Variants in DNAH10 observed in about 807,000 individuals in gnomAD.
DNAH10 encodes dynein axonemal heavy chain 10, also known as axonemal beta dynein heavy chain 10.
Under a neutral mutation model 506.6 loss-of-function variants are expected in DNAH10, and 348 were observed. The observed-to-expected ratio is 0.69, with a 90% CI of 0.63 to 0.75. The LOEUF is 0.75. DNAH10 is among the 30% of genes least tolerant of loss of function. The pLI is 0.00. For synonymous variants in DNAH10, 2,059 were observed against 2,198.6 expected (o/e 0.94, Z 1.78); for missense variants, 5,179 against 5,787.1 (o/e 0.89, Z 3.41).
rs950484526 is a variant in DNAH10 at position 123,931,542 on chromosome 12, C to T, written c.12916+70C>T. The T allele has an allele frequency of 4.1e-5, 66 of 1,605,570 alleles. No individual in the cohort carries two copies. The African/African-American group carries it at 4.1e-4, about 10-fold the overall frequency. On this transcript the variant is annotated intron_variant, in intron 74 of 78. Coordinates refer to ENST00000673944, the MANE Select transcript of DNAH10 (RefSeq NM_001372106.1). ...ACGATTGCTTCTTGTAGCCCTCCCA[C>T]GTTGCTGATGCCTTTCCCAGAACTG...
rs59003958 is a variant in DNAH10, at chr12:123,780,149, TTCTCTC to T, written c.622-909_622-904del. 1.4e-3 allele frequency among the ~76,000 whole-genome samples: 180 copies of T among 132,782 alleles called. 1 individual carries two copies. Among genetic ancestry groups the T allele is most frequent in the East Asian group, 1.8e-3 (8 of 4,438 alleles). The allele number at this position is 132,782 out of a possible 152,430, so 87.1% of individuals were successfully genotyped here. ...AGTTTCCCCTCCCTCCCTCCCTCCT[TTCTCTC>T]TCTCTCTCTCTCTCTCTCTCTTTCT... On this transcript the variant is annotated intron_variant, in intron 5 of 78. Transcript: ENST00000673944.
chr12:123,782,275 T>G (rs1957682875), intron 6 of DNAH10, among the ~76,000 whole-genome samples: 1 of 149,928 alleles, frequency 6.7e-6, no homozygotes, highest in African/African-American at 2.5e-5. Flanking sequence ...CTCAAATCTC[T>G]GAGACAAATA....
At chr12:123,892,289 G>A (rs971345733) in intron 52 of DNAH10, among the ~76,000 whole-genome samples, 3 of 152,198 alleles carry the variant, frequency 2.0e-5, no homozygotes, top group Non-Finnish European at 2.9e-5. Flanking sequence ...AAGGTGAAGG[G>A]GGAGCAGGCG....
Position 123,813,886 on chromosome 12 carries a change from C to T in DNAH10, c.3754C>T (p.Arg1252Cys), listed in dbSNP as rs574166129. ...ATATAGGGACGTCCAGGAGCGATACCGTACCATGGCAATGTATAACCTCTT... is the reference window on the plus strand; with the variant it reads ...ATATAGGGACGTCCAGGAGCGATACTGTACCATGGCAATGTATAACCTCTT... ...LRYRDVQERY[R>C]TMAMYNLFPP... The change falls in exon 21 of 79, where the codon CGT becomes TGT. Residue 1252 changes from arginine (R) to cysteine (C), a missense_variant. By Grantham distance (180) the Arg-to-Cys change is radical. Transcript: ENST00000673944. 4.4e-5 allele frequency: 70 copies of T among 1,597,586 alleles called. No individual in the cohort carries two copies. Among genetic ancestry groups the T allele is most frequent in the Admixed American group, 9.3e-5 (5 of 53,752 alleles).
At chr12:123,817,470 C>T (rs75263532) in intron 21 of DNAH10, among the ~76,000 whole-genome samples, 6,514 of 152,110 alleles carry the variant, frequency 0.043, 183 homozygotes, top group Non-Finnish European at 0.063. Context: ...CTGCTTTTCC[C>T]GGTTCCTTAA....
chr12:123,884,561 G>A (rs1952647807), intron 51 of DNAH10, among the ~76,000 whole-genome samples: 1 of 152,166 alleles, frequency 6.6e-6, no homozygotes, highest in Admixed American at 6.5e-5. Flanking sequence ...ATGACAGCAC[G>A]AAAAGTCTTT....
intron 54 of DNAH10, among the ~76,000 whole-genome samples, chr12:123,896,148 C>CACAG (rs1383690518): frequency 1.7e-3 from 159 of 95,208 alleles, no homozygotes; most frequent in African/African-American, 7.0e-3. Flanking sequence ...CACACACACA[C>CACAG]AGAGAGAGAG....
At chr12:123,920,486 T>C (rs138934168) in intron 65 of DNAH10, among the ~76,000 whole-genome samples, 90 of 152,372 alleles carry the variant, frequency 5.9e-4, no homozygotes, top group African/African-American at 1.9e-3. Context: ...TAAAACTTTT[T>C]TAGCAAAAAC....
chr12:123,893,394 C>A lies in DNAH10; in HGVS notation c.9157C>A (p.Pro3053Thr), dbSNP rs574204481. ...NNLHIVLGMSPVGDTLRTWCR... is the reference protein window; with the variant it reads ...NNLHIVLGMSTVGDTLRTWCR... ...CCTGCACATTGTCCTGGGCATGTCG[C>A]CAGTGGGGGACACCCTGAGGACCTG... The change falls in exon 53 of 79, where the codon CCA becomes ACA. Residue 3053 changes from proline (P) to threonine (T), a missense_variant. By Grantham distance (38) the Pro-to-Thr change is conservative (BLOSUM62 -1). Transcript: ENST00000673944. The A allele has an allele frequency of 5.0e-6, 8 of 1,613,416 alleles. No individual in the cohort carries two copies. The South Asian group carries it at 8.8e-5, about 18-fold the overall frequency.
At chr12:123,922,202 G>A (rs1019556388) in intron 65 of DNAH10, among the ~76,000 whole-genome samples, 2 of 151,874 alleles carry the variant, frequency 1.3e-5, no homozygotes, top group East Asian at 2.0e-4. Context: ...GTGAAACCCC[G>A]TCTCTACTAA....
In DNAH10 at chr12:123,868,017, C is replaced by T. The variant is rs1231358448; in HGVS notation, c.7417C>T (p.Leu2473Phe). 1 of 1,613,896 alleles carries T rather than the reference C, an allele frequency of 6.2e-7. No homozygotes were observed. Among genetic ancestry groups the T allele is most frequent in the South Asian group, 1.1e-5 (1 of 91,074 alleles). The change falls in exon 43 of 79, where the codon CTT (leucine) becomes TTT (phenylalanine). Residue 2473 changes from leucine to phenylalanine, a missense_variant. Physicochemically the swap from Leu to Phe is conservative, Grantham distance 22. Around this residue, in one of 3 missense-constraint regions of DNAH10, gnomAD observed 4,844 missense variants for 5,430.5 expected, o/e 0.89. Transcript: ENST00000673944. ...ALYCSLGASL[L>F]EDGRMKFDEY... The stretch of plus-strand genomic sequence containing the variant: ...GTACTGCTCTCTGGGAGCCTCCCTG[C>T]TTGAGGATGGAAGGATGAAATTTGA...
intron 52 of DNAH10, among the ~76,000 whole-genome samples, chr12:123,888,148 C>T (rs925882971): frequency 2.6e-5 from 4 of 151,930 alleles, no homozygotes; most frequent in East Asian, 1.9e-4. Flanking sequence ...GTTGAGGCTG[C>T]GGTAAGTCAT....
chr12:123,839,662 A>ATTTT (rs34822711), intron 29 of DNAH10, among the ~76,000 whole-genome samples: 9 of 114,814 alleles, frequency 7.8e-5, no homozygotes, highest in African/African-American at 1.3e-4. Context: ...TTTCTTTTCT[A>ATTTT]TTTTTTTTTT....
rs557454220 is a variant in DNAH10, at chr12:123,783,687, G to A, written c.1000-260G>A. 2.9e-4 allele frequency among the ~76,000 whole-genome samples: 44 copies of A among 152,290 alleles called. 2 individuals are homozygous for A. The East Asian group carries it at 7.3e-3, about 25-fold the overall frequency. Reference sequence around the variant, plus strand: ...GGGGCTGGAGAGCTTCATTCCTCAGGCTGGCTTCCTTGCAGCAGTTTCTGG... The same window carrying A: ...GGGGCTGGAGAGCTTCATTCCTCAGACTGGCTTCCTTGCAGCAGTTTCTGG... On this transcript the variant is annotated intron_variant, in intron 7 of 78. Transcript: ENST00000673944.
In DNAH10 at chr12:123,928,978, G is replaced by GTCTCTCTCTCTC; in HGVS notation, c.12307-291_12307-280dup. ...TTTTGGAAAGGTTTTGTCATTCTCT[G>GTCTCTCTCTCTC]TCTCTCTCTCTCTCTCTGGGGAGGT... On this transcript the variant is annotated intron_variant, in intron 70 of 78. Coordinates refer to ENST00000673944, the MANE Select transcript of DNAH10 (RefSeq NM_001372106.1). This position sits in a 1 kb window ranked among gnomAD's most constrained non-coding sequence, Gnocchi z 4.9. The GTCTCTCTCTCTC allele has an allele frequency of 2.1e-6, 1 of 468,032 alleles. No individual in the cohort carries two copies. The allele number at this position is 468,032 out of a possible 1,614,324, so 29.0% of individuals were successfully genotyped here.
rs766108846 is a variant in DNAH10 at position 123,838,611 on chromosome 12, C to A, written c.5058C>A (p.Phe1686Leu). 1.2e-6 allele frequency: 2 copies of A among 1,613,912 alleles called. No homozygotes were observed. The highest frequency in any genetic ancestry group is 1.1e-5 in the South Asian group (1 of 91,096). ...LDSKRNAFPRFFFISDDELLS... is the reference protein window; with the variant it reads ...LDSKRNAFPRLFFISDDELLS... ...CGAAGAGAAATGCTTTCCCAAGGTTCTTCTTCATTTCTGACGATGAGTTGC... is the reference window on the plus strand; with the variant it reads ...CGAAGAGAAATGCTTTCCCAAGGTTATTCTTCATTTCTGACGATGAGTTGC... Residue 1686 changes from phenylalanine to leucine, a missense_variant, in exon 29 of 79, where the codon TTC becomes TTA. Around this residue, in one of 3 missense-constraint regions of DNAH10, gnomAD observed 4,844 missense variants for 5,430.5 expected, o/e 0.89. Coordinates refer to ENST00000673944, the MANE Select transcript of DNAH10 (RefSeq NM_001372106.1).
At chr12:123,844,974 ATAC>A (rs1302256648) in intron 30 of DNAH10, among the ~76,000 whole-genome samples, 1 of 152,036 alleles carries the variant, frequency 6.6e-6, no homozygotes, top group Non-Finnish European at 1.5e-5. Flanking sequence ...TAAACCTCAA[ATAC>A]TAAGTAAGTT....
At chr12:123,871,374 G>A (rs1439390573) in intron 44 of DNAH10, 83 bp from the exon 45 acceptor site, 6 of 1,468,254 alleles carry the variant, frequency 4.1e-6, no homozygotes, top group African/African-American at 1.4e-5. Flanking sequence ...GGATTTGTGG[G>A]GTTCTAGGAC....
At chr12:123,849,331 T>A (rs1016211259) in intron 34 of DNAH10, among the ~76,000 whole-genome samples, 1 of 152,196 alleles carries the variant, frequency 6.6e-6, no homozygotes, top group African/African-American at 2.4e-5. Flanking sequence ...GTTATCAAAG[T>A]GAGAAGGCAG....
Sources: allele counts gnomAD v4.1 joint callset (sites outside exome capture counted in the v4.1 genomes callset), GRCh38; gene constraint gnomAD v4.1.1; regional missense constraint gnomAD v4.1.1; non-coding constraint Gnocchi (gnomAD v3.1); transcripts MANE v1.5; gene names NCBI Gene and HGNC (gene_info 2026-07-23, HGNC 2026-07-21).